Variants in EPAS1 observed in about 807,000 individuals in gnomAD.
EPAS1 encodes the protein endothelial PAS domain protein 1.
EPAS1 carries 23 observed loss-of-function variants against 87.9 expected under a neutral mutation model. That is an observed-to-expected ratio of 0.26 (90% CI 0.19 to 0.37). EPAS1 has a LOEUF of 0.37. EPAS1 is among the 10% of genes least tolerant of loss of function. The probability of loss-of-function intolerance (pLI) is 1.00; values close to 1 mark genes in which losing one functional copy is unlikely to be tolerated. For synonymous variants in EPAS1, 508 were observed against 444.3 expected, an observed-to-expected ratio of 1.14 and a Z score of -1.80; for missense variants, 1,138 against 1,120.7, an observed-to-expected ratio of 1.02 and a Z score of -0.22.
intron 11 of EPAS1, chr2:46,379,940 AGAAGGCGGGCTCCG>A: frequency 2.0e-6 from 1 of 511,932 alleles, no homozygotes; most frequent in Non-Finnish European, 3.6e-6. Flanking sequence ...GCTTCAAGAG[AGAAGGCGGGCTCCG>A]GACAGGTGGG....
chr2:46,320,513 G>A (rs1306822707), intron 1 of EPAS1, among the ~76,000 whole-genome samples: 1 of 152,224 alleles, frequency 6.6e-6, no homozygotes, highest in Non-Finnish European at 1.5e-5. Context: ...TCTAATAGCA[G>A]TTTGTGGGCT....
intron 1 of EPAS1, among the ~76,000 whole-genome samples, chr2:46,326,241 G>A (rs1683561919): frequency 6.6e-6 from 1 of 152,134 alleles, no homozygotes; most frequent in Non-Finnish European, 1.5e-5. Context: ...CAGGGGGAGT[G>A]GGGAATCTGC....
chr2:46,326,534 A>G (rs187661783), intron 1 of EPAS1, among the ~76,000 whole-genome samples: 102 of 152,290 alleles, frequency 6.7e-4, no homozygotes, highest in African/African-American at 1.9e-3. Flanking sequence ...CTAGATTCCT[A>G]TCTCCTCCGT....
Position 46,369,876 on chromosome 2 carries a change from G to A in EPAS1, c.829G>A (p.Ala277Thr), listed in dbSNP as rs551232356. The A allele has an allele frequency of 1.2e-6, 2 of 1,613,312 alleles. No individual in the cohort carries two copies. The highest frequency in any genetic ancestry group is 1.7e-6 in the Non-Finnish European group (2 of 1,179,718). ...YHPEELLGRS[A>T]YEFYHALDSE... The stretch of plus-strand genomic sequence containing the variant: ...CCCTGAGGAGCTGCTTGGCCGCTCA[G>A]CCTATGAATTCTACCATGCGCTAGA... The change falls in exon 7 of 16, where the codon GCC (alanine) becomes ACC (threonine). Residue 277 changes from alanine to threonine, a missense_variant. Coordinates refer to ENST00000263734, the MANE Select transcript of EPAS1 (RefSeq NM_001430.5).
In EPAS1 at chr2:46,297,565, T is replaced by G. The variant is rs192684713; in HGVS notation, c.-347T>G. The G allele has an allele frequency of 5.0e-4, 167 of 334,238 alleles. No homozygotes were observed. The highest frequency in any genetic ancestry group is 6.8e-4 in the Non-Finnish European group (120 of 176,744). 20.7% of individuals were successfully genotyped at this position (334,238 alleles called of 1,614,324 possible). A position where few individuals can be genotyped will look rare whatever the true frequency, so the allele number is the denominator to read the frequency against. ...CGACTCCCAGCATTCGAGCCACTTT[T>G]TTTTTTCTTTGAAAACTCAGAAAAG... is the stretch of plus-strand genomic sequence containing the variant. On this transcript the variant is annotated 5_prime_UTR_variant, in exon 1 of 16. Coordinates refer to ENST00000263734, the MANE Select transcript of EPAS1 (RefSeq NM_001430.5).
At chr2:46,326,938 T>C (rs1457448407) in intron 1 of EPAS1, among the ~76,000 whole-genome samples, 1 of 152,194 alleles carries the variant, frequency 6.6e-6, no homozygotes, top group Admixed American at 6.5e-5. Context: ...CTATGAGTTG[T>C]GGTATCTTGG....
chr2:46,355,447 A>G (rs1684250570), intron 2 of EPAS1, among the ~76,000 whole-genome samples: 1 of 152,200 alleles, frequency 6.6e-6, no homozygotes. Context: ...TAGCTTTGCA[A>G]TCTTTATACC....
At chr2:46,318,340 C>A (rs1683385984) in intron 1 of EPAS1, among the ~76,000 whole-genome samples, 1 of 152,058 alleles carries the variant, frequency 6.6e-6, no homozygotes, top group African/African-American at 2.4e-5. Flanking sequence ...GATCGCAGAT[C>A]ATTATAATAA....
intron 4 of EPAS1, among the ~76,000 whole-genome samples, chr2:46,358,298 T>G (rs1684310833): frequency 6.6e-6 from 1 of 152,200 alleles, no homozygotes; most frequent in Non-Finnish European, 1.5e-5. Flanking sequence ...TTAGACCACC[T>G]GGGTCCTAGG....
At chr2:46,361,239 A>G in intron 6 of EPAS1, 149 bp downstream of exon 6, 2 of 892,758 alleles carry the variant, frequency 2.2e-6, no homozygotes, top group Non-Finnish European at 1.8e-6. Flanking sequence ...GTTTCATTGC[A>G]TCAGTGCCCC....
At chr2:46,372,821 G>A (rs955152020) in intron 7 of EPAS1, among the ~76,000 whole-genome samples, 4 of 152,210 alleles carry the variant, frequency 2.6e-5, no homozygotes, top group African/African-American at 7.2e-5. Context: ...CCTGAATTTG[G>A]TTTGCATTAA....
chr2:46,359,420 C>T (rs1480708802), intron 4 of EPAS1, among the ~76,000 whole-genome samples: 1 of 152,026 alleles, frequency 6.6e-6, no homozygotes, highest in African/African-American at 2.4e-5. Flanking sequence ...GGGGCCAGAT[C>T]CCAAGATACA....
At chr2:46,316,199 C>T (rs78901262) in intron 1 of EPAS1, among the ~76,000 whole-genome samples, 3,613 of 151,756 alleles carry the variant, frequency 0.024, 61 homozygotes, top group Non-Finnish European at 0.033. Context: ...TTTGTTTCCT[C>T]GTGCATATGA....
Position 46,384,863 on chromosome 2 carries a change from T to G in EPAS1, c.*203T>G. Reference sequence around the variant, plus strand: ...TATCCCTATTTTTAAAGTACACAATTGTTTTACCTGTTCTGAAATGTTCTT... The same window carrying G: ...TATCCCTATTTTTAAAGTACACAATGGTTTTACCTGTTCTGAAATGTTCTT... On this transcript the variant is annotated 3_prime_UTR_variant, in exon 16 of 16. Coordinates refer to ENST00000263734, the MANE Select transcript of EPAS1 (RefSeq NM_001430.5). 1 of 644,082 alleles carries G rather than the reference T, an allele frequency of 1.6e-6. No homozygotes were observed. The highest frequency in any genetic ancestry group is 2.6e-6 in the Non-Finnish European group (1 of 378,384). The allele number at this position is 644,082 out of a possible 1,614,324, so 39.9% of individuals were successfully genotyped here.
chr2:46,351,672 A>G (rs1208358367), intron 2 of EPAS1, among the ~76,000 whole-genome samples: 1 of 152,160 alleles, frequency 6.6e-6, no homozygotes, highest in Non-Finnish European at 1.5e-5. Flanking sequence ...GGTAACTGCC[A>G]AGCACATCTG....
chr2:46,357,897 A>G (rs1392631542), intron 4 of EPAS1, among the ~76,000 whole-genome samples: 2 of 152,216 alleles, frequency 1.3e-5, no homozygotes, highest in East Asian at 3.9e-4. Context: ...CAAAGGCATG[A>G]ATAGGGACAT....
rs1001534174 is a variant in EPAS1, at chr2:46,347,416, G to A, written c.217+353G>A. On this transcript the variant is annotated intron_variant, in intron 2 of 15. Coordinates refer to ENST00000263734, the MANE Select transcript of EPAS1 (RefSeq NM_001430.5). The surrounding 1 kb of genome is among the most constrained non-coding windows in gnomAD (Gnocchi z 4.2). ...CCATCCTCCACACTAGATTGAGTCC[G>A]CAGGAAGCATTCTAATCCTTAACTT... The A allele has an allele frequency of 2.7e-5, 10 of 371,038 alleles. No homozygotes were observed. The highest frequency in any genetic ancestry group is 1.5e-4 in the Admixed American group (4 of 26,338). 23.0% of individuals were successfully genotyped at this position (371,038 alleles called of 1,614,324 possible). A position where few individuals can be genotyped will look rare whatever the true frequency, so the allele number is the denominator to read the frequency against.
Position 46,373,219 on chromosome 2 carries a change from A to G in EPAS1, c.887-2471A>G, listed in dbSNP as rs369097672. Among the ~76,000 whole-genome samples, 61 of 152,380 alleles carry G rather than the reference A, an allele frequency of 4.0e-4. 2 individuals carry two copies. The East Asian group carries it at 8.1e-3, about 20-fold the overall frequency. On this transcript the variant is annotated intron_variant, in intron 7 of 15. Coordinates refer to ENST00000263734, the MANE Select transcript of EPAS1 (RefSeq NM_001430.5). ...ACAAGATGATACAACCATTTTGGAA[A>G]TAATTTGGCAGCTTCTTATAAACAT...
chr2:46,345,926 CA>C (rs1684015117), intron 1 of EPAS1, among the ~76,000 whole-genome samples: 1 of 152,200 alleles, frequency 6.6e-6, no homozygotes, highest in Admixed American at 6.5e-5. Context: ...TTAGTCCTCA[CA>C]GTTAACTCTG....
Sources: allele counts gnomAD v4.1 joint callset (sites outside exome capture counted in the v4.1 genomes callset), GRCh38; gene constraint gnomAD v4.1.1; non-coding constraint Gnocchi (gnomAD v3.1); transcripts MANE v1.5; gene names NCBI Gene and HGNC (gene_info 2026-07-23, HGNC 2026-07-21).